SORCS2: variants seen among roughly 807,000 people sequenced by gnomAD.
The protein encoded by SORCS2 is sortilin related VPS10 domain containing receptor 2.
In SORCS2, 100 loss-of-function variants were observed where a neutral mutation model predicts 141.6. The observed-to-expected ratio is 0.71, with a 90% CI of 0.60 to 0.83. The LOEUF is 0.83. Among genes scored for constraint, SORCS2 ranks in the 40% least tolerant of loss-of-function variants. SORCS2 has a pLI of 0.00. For synonymous variants in SORCS2, 789 were observed against 676.9 expected, an observed-to-expected ratio of 1.17 and a Z score of -2.57; for missense variants, 1,646 against 1,560.2, an observed-to-expected ratio of 1.05 and a Z score of -0.93.
At chr4:7,451,194 G>C (rs1318880861) in intron 2 of SORCS2, among the ~76,000 whole-genome samples, 3 of 152,240 alleles carry the variant, frequency 2.0e-5, no homozygotes, top group Non-Finnish European at 4.4e-5. Flanking sequence ...GTGAATGAAT[G>C]CATGATGGAG....
chr4:7,309,201 G>T (rs1666781643), intron 1 of SORCS2, among the ~76,000 whole-genome samples: 1 of 152,172 alleles, frequency 6.6e-6, no homozygotes, highest in African/African-American at 2.4e-5. Flanking sequence ...TTTCTCTCCT[G>T]TGTGCAAGTG....
chr4:7,682,284 TG>T (rs1723572016), intron 9 of SORCS2, among the ~76,000 whole-genome samples: 1 of 152,108 alleles, frequency 6.6e-6, no homozygotes, highest in South Asian at 2.1e-4. Flanking sequence ...GGGATTGAGC[TG>T]GGGGTCCGCA....
intron 18 of SORCS2, among the ~76,000 whole-genome samples, chr4:7,722,183 G>A (rs1244811821): frequency 1.3e-5 from 2 of 149,636 alleles, no homozygotes; most frequent in Admixed American, 6.6e-5. Flanking sequence ...AGCGGATCAC[G>A]AGTCCTGACT....
chr4:7,386,170 T>C (rs1577479735), intron 1 of SORCS2, among the ~76,000 whole-genome samples: 2 of 132,256 alleles, frequency 1.5e-5, no homozygotes. Flanking sequence ...GAGATACACA[T>C]GCGCACGCAC....
At chr4:7,360,159 C>A (rs992306025) in intron 1 of SORCS2, among the ~76,000 whole-genome samples, 1 of 152,230 alleles carries the variant, frequency 6.6e-6, no homozygotes, top group Non-Finnish European at 1.5e-5. Flanking sequence ...CATTGATCCG[C>A]CTACTCTGTG....
At chr4:7,717,956 G>A in intron 17 of SORCS2, 56 bp from the exon 18 acceptor site, 1 of 1,505,734 alleles carries the variant, frequency 6.6e-7, no homozygotes, top group Admixed American at 2.3e-5. Flanking sequence ...AGACTATGGG[G>A]CCCCATCCCT....
intron 1 of SORCS2, among the ~76,000 whole-genome samples, chr4:7,297,408 G>T (rs1415072798): frequency 6.6e-6 from 1 of 151,878 alleles, no homozygotes; most frequent in African/African-American, 2.4e-5. Context: ...GCAGGCCCCC[G>T]CCCCTCCCCC....
At chr4:7,533,166 G>A (rs1577708002) in intron 3 of SORCS2, among the ~76,000 whole-genome samples, 1 of 152,204 alleles carries the variant, frequency 6.6e-6, no homozygotes, top group African/African-American at 2.4e-5. Flanking sequence ...GTGGTGCAGG[G>A]GGCCTGGATT....
At chr4:7,680,987 A>T (rs914689751) in intron 9 of SORCS2, among the ~76,000 whole-genome samples, 2 of 152,234 alleles carry the variant, frequency 1.3e-5, no homozygotes, top group African/African-American at 4.8e-5. Flanking sequence ...GCTCACCCAC[A>T]TCTGGTTTAG....
At chr4:7,330,971 GGGAGA>G (rs1719620767) in intron 1 of SORCS2, among the ~76,000 whole-genome samples, 1 of 152,168 alleles carries the variant, frequency 6.6e-6, no homozygotes, top group Non-Finnish European at 1.5e-5. Context: ...CCTCCTGCGA[GGGAGA>G]GGAATGTGGG....
intron 1 of SORCS2, among the ~76,000 whole-genome samples, chr4:7,236,373 G>A (rs780094962): frequency 6.6e-6 from 1 of 152,162 alleles, no homozygotes; most frequent in African/African-American, 2.4e-5. Context: ...TGGGGCAGGA[G>A]TGTGTTGCCA....
chr4:7,635,341 G>A (rs1210162550), intron 3 of SORCS2, among the ~76,000 whole-genome samples: 2 of 152,146 alleles, frequency 1.3e-5, no homozygotes, highest in Non-Finnish European at 2.9e-5. Context: ...CTAGCAAGCA[G>A]GAACTCGCTA....
intron 3 of SORCS2, among the ~76,000 whole-genome samples, chr4:7,623,043 A>G (rs1311590952): frequency 6.6e-6 from 1 of 151,940 alleles, no homozygotes; most frequent in Non-Finnish European, 1.5e-5. Flanking sequence ...CAGATGAAGG[A>G]CAGAAGACGG....
chr4:7,638,524 G>T (rs373867043), intron 4 of SORCS2, 32 bp downstream of exon 4: 1 of 1,591,084 alleles, frequency 6.3e-7, no homozygotes, highest in South Asian at 1.1e-5. Context: ...CGCCTGGTCT[G>T]TGGGGCTGGG....
chr4:7,440,226 A>C (rs1195053184), intron 2 of SORCS2, among the ~76,000 whole-genome samples: 2 of 152,222 alleles, frequency 1.3e-5, no homozygotes, highest in East Asian at 1.9e-4. Context: ...GCTGCGTTGC[A>C]GGTAGGACCC....
At chr4:7,627,813 T>C (rs1405704959) in intron 3 of SORCS2, among the ~76,000 whole-genome samples, 1 of 152,236 alleles carries the variant, frequency 6.6e-6, no homozygotes, top group Non-Finnish European at 1.5e-5. Context: ...TTCACCAGTG[T>C]TGGTTAGAAA....
rs769730336 is a variant in SORCS2 at position 7,712,853 on chromosome 4, G to A, written c.1989G>A (p.Gln663=). 6.2e-7 allele frequency: 1 copy of A among 1,613,726 alleles called. No homozygotes were observed. Among genetic ancestry groups the A allele is most frequent in the Non-Finnish European group, 8.5e-7 (1 of 1,179,842 alleles). The part of the protein sequence containing the change: ...DYSSWELSNL[Q]GDRCIMGQQR... ...GCTCCTGGGAGCTCTCCAACCTGCA[G>A]GTGGGCCGGCATGAGGCTGGGATCG... The change falls in exon 15 of 27, where the codon CAG becomes CAA. Residue 663 remains glutamine (Q), a splice_region_variant and synonymous_variant. Transcript: ENST00000507866.
intron 1 of SORCS2, among the ~76,000 whole-genome samples, chr4:7,254,384 T>C (rs2108810277): frequency 6.6e-6 from 1 of 152,256 alleles, no homozygotes; most frequent in Middle Eastern, 3.4e-3. Flanking sequence ...TAGATGGAGC[T>C]GGAAATCATT....
At chr4:7,577,036 A>G (rs185367750) in intron 3 of SORCS2, among the ~76,000 whole-genome samples, 2 of 152,296 alleles carry the variant, frequency 1.3e-5, no homozygotes, top group Admixed American at 6.5e-5. Context: ...CCCCTCTGCC[A>G]TGTTTATTAG....
Sources: allele counts gnomAD v4.1 joint callset (sites outside exome capture counted in the v4.1 genomes callset), GRCh38; gene constraint gnomAD v4.1.1; transcripts MANE v1.5; gene names NCBI Gene and HGNC (gene_info 2026-07-23, HGNC 2026-07-21).